The following TTC12 variants were observed in gnomAD, a reference collection of about 807,000 sequenced individuals.
The protein encoded by TTC12 is tetratricopeptide repeat protein 12.
In TTC12, 70 loss-of-function variants were observed where a neutral mutation model predicts 90.1. The observed-to-expected ratio is 0.78, with a 90% CI of 0.64 to 0.95. TTC12 has a LOEUF of 0.95. Among genes scored for constraint, TTC12 ranks in the 40% least tolerant of loss-of-function variants. The pLI is 0.00. For missense variants in TTC12, 819 were observed against 846.1 expected (o/e 0.97, Z 0.40); for synonymous variants, 296 against 311.5 (o/e 0.95, Z 0.53).
At chr11:113,357,807 G>A (rs192172923) in intron 16 of TTC12, among the ~76,000 whole-genome samples, 1 of 152,278 alleles carries the variant, frequency 6.6e-6, no homozygotes, top group East Asian at 1.9e-4. Context: ...ACTTTACTGG[G>A]GGAGCCAAGG....
intron 2 of TTC12, among the ~76,000 whole-genome samples, chr11:113,321,190 A>G (rs921024516): frequency 2.0e-5 from 3 of 152,200 alleles, no homozygotes; most frequent in African/African-American, 7.2e-5. Context: ...TAAAACAATG[A>G]GATACCATTC....
At chr11:113,337,136 T>C (rs1948416057) in intron 8 of TTC12, among the ~76,000 whole-genome samples, 2 of 152,238 alleles carry the variant, frequency 1.3e-5, no homozygotes, top group South Asian at 4.1e-4. Flanking sequence ...AATGTTAATC[T>C]TTCCCTGTCC....
At chr11:113,349,466 C>T (rs1487672216) in intron 13 of TTC12, among the ~76,000 whole-genome samples, 1 of 152,180 alleles carries the variant, frequency 6.6e-6, no homozygotes, top group East Asian at 1.9e-4. Flanking sequence ...TGTTTTTTGG[C>T]ATCTGTGTTA....
At chr11:113,348,042 C>T (rs1175434582) in intron 13 of TTC12, among the ~76,000 whole-genome samples, 3 of 152,182 alleles carry the variant, frequency 2.0e-5, no homozygotes, top group Non-Finnish European at 4.4e-5. Context: ...TCAGGGACCC[C>T]AGGATCCTAC....
chr11:113,328,059 C>T (rs1048970049), intron 6 of TTC12, among the ~76,000 whole-genome samples: 5 of 152,116 alleles, frequency 3.3e-5, no homozygotes, highest in Admixed American at 2.0e-4. Context: ...TCATGAGGTT[C>T]GTTGTTAAGA....
In TTC12 at chr11:113,362,459, C is replaced by T; in HGVS notation, c.1673C>T (p.Ala558Val). ...TCCTCTCTGAAAATTGTTGAGGAGG[C>T]CTTGCGAGCAGGAGTGGTAAAGAAA... ...LSSSLKIVEE[A>V]LRAGVVKKMM... is the part of the protein sequence containing the mutation. The change falls in exon 19 of 22, where the codon GCC becomes GTC. Residue 558 changes from alanine to valine, a missense_variant. Coordinates refer to ENST00000529221, the MANE Select transcript of TTC12 (RefSeq NM_017868.4). 2 of 1,613,920 alleles carry T rather than the reference C, an allele frequency of 1.2e-6. No individual in the cohort carries two copies. Among genetic ancestry groups the T allele is most frequent in the Non-Finnish European group, 1.7e-6 (2 of 1,179,846 alleles).
intron 7 of TTC12, among the ~76,000 whole-genome samples, chr11:113,332,591 C>T (rs572095093): frequency 2.0e-5 from 3 of 152,266 alleles, no homozygotes; most frequent in South Asian, 2.1e-4. Context: ...CTCTGCTCCC[C>T]GTCTTTCGTC....
chr11:113,334,493 G>A (rs1317033217), intron 7 of TTC12, among the ~76,000 whole-genome samples: 3 of 152,088 alleles, frequency 2.0e-5, no homozygotes, highest in Non-Finnish European at 2.9e-5. Context: ...TTTTCTTAGA[G>A]TAAGTTCTCT....
At chr11:113,340,836 T>G (rs545649938) in intron 11 of TTC12, 103 bp downstream of exon 11, 4 of 986,656 alleles carry the variant, frequency 4.1e-6, no homozygotes, top group African/African-American at 3.2e-5. Flanking sequence ...TTCTGAACAT[T>G]ACCCCCCTTC....
chr11:113,324,458 G>C (rs1947555166), intron 4 of TTC12, 147 bp from the exon 5 acceptor site: 2 of 589,290 alleles, frequency 3.4e-6, no homozygotes, highest in Non-Finnish European at 6.0e-6. Context: ...TGTCATTTTA[G>C]TTGCCTCAGA....
At chr11:113,317,215 G>A (rs1946995272) in intron 2 of TTC12, among the ~76,000 whole-genome samples, 2 of 152,088 alleles carry the variant, frequency 1.3e-5, no homozygotes, top group African/African-American at 4.8e-5. Flanking sequence ...TCTTTTCTGA[G>A]CCTCTGCCTC....
intron 13 of TTC12, among the ~76,000 whole-genome samples, chr11:113,346,145 G>T (rs1287900438): frequency 6.6e-6 from 1 of 152,148 alleles, no homozygotes; most frequent in Non-Finnish European, 1.5e-5. Flanking sequence ...AGAGGTTGAA[G>T]GCATGAATGT....
intron 13 of TTC12, among the ~76,000 whole-genome samples, 162 bp downstream of exon 13, chr11:113,344,602 A>T (rs908376021): frequency 6.6e-6 from 1 of 151,980 alleles, no homozygotes; most frequent in East Asian, 1.9e-4. Context: ...TCTGGGACAG[A>T]CTCCTGTCCG....
chr11:113,367,762 A>G (rs1223706460), downstream of TTC12, among the ~76,000 whole-genome samples: 2 of 152,190 alleles, frequency 1.3e-5, no homozygotes, highest in African/African-American at 2.4e-5. Context: ...TGAGCCCCTC[A>G]TTCAGATTGA....
rs1948552816 is a variant in TTC12 at position 113,339,301 on chromosome 11, T to C, written c.653T>C (p.Val218Ala). Reference protein sequence around the residue: ...QTQVKGYLNQVDLQEKADLQE... With the variant: ...QTQVKGYLNQADLQEKADLQE... Reference sequence around the variant, plus strand: ...GTTTTTCTAGGTTACCTGAATCAAGTAGATCTTCAGGAAAAAGCAGACCTT... The same window carrying C: ...GTTTTTCTAGGTTACCTGAATCAAGCAGATCTTCAGGAAAAAGCAGACCTT... The change falls in exon 10 of 22, where the codon GTA becomes GCA. Residue 218 changes from valine to alanine, a missense_variant. Coordinates refer to ENST00000529221, the MANE Select transcript of TTC12 (RefSeq NM_017868.4). 1 of 1,607,274 alleles carries C rather than the reference T, an allele frequency of 6.2e-7. No homozygotes were observed. The highest frequency in any genetic ancestry group is 8.5e-7 in the Non-Finnish European group (1 of 1,178,036).
At chr11:113,337,575 G>T (rs1158153622) in intron 8 of TTC12, among the ~76,000 whole-genome samples, 1 of 152,158 alleles carries the variant, frequency 6.6e-6, no homozygotes, top group Non-Finnish European at 1.5e-5. Context: ...GGTGATAAGG[G>T]TAGAGAAGGG....
chr11:113,356,652 C>T (rs1233801463), intron 16 of TTC12, among the ~76,000 whole-genome samples: 4 of 144,730 alleles, frequency 2.8e-5, no homozygotes, highest in African/African-American at 5.8e-5. Context: ...AATGAATTTC[C>T]TCACCATTTG....
At chr11:113,331,836 C>A (rs1039202296) in intron 7 of TTC12, among the ~76,000 whole-genome samples, 1 of 151,982 alleles carries the variant, frequency 6.6e-6, no homozygotes, top group South Asian at 2.1e-4. Flanking sequence ...AAATGCCCAG[C>A]GAGGCTCCCA....
Position 113,341,941 on chromosome 11 carries a change from C to G in TTC12, c.985+16C>G. 1 of 1,598,308 alleles carries G rather than the reference C, an allele frequency of 6.3e-7. No individual in the cohort carries two copies. The highest frequency in any genetic ancestry group is 8.6e-7 in the Non-Finnish European group (1 of 1,165,526). ...AGCAGGAACGGTAAGCCTGGGTAAT[C>G]ACCGTTGATCACCATTAATGCGCTG... On this transcript the variant is annotated intron_variant, in intron 12 of 21. Transcript: ENST00000529221.
Sources: gnomAD v4.1 joint callset for allele counts (sites outside exome capture counted in the v4.1 genomes callset) on GRCh38, gnomAD v4.1.1 for gene constraint, MANE v1.5 for transcripts, NCBI Gene and HGNC (gene_info 2026-07-23, HGNC 2026-07-21) for gene names.